BABAM2: variants seen among roughly 807,000 people sequenced by gnomAD.
The protein encoded by BABAM2 is BRISC and BRCA1 A complex member 2.
Under a neutral mutation model 54.7 loss-of-function variants are expected in BABAM2, and 31 were observed. That is an observed-to-expected ratio of 0.57 (90% CI 0.43 to 0.77). BABAM2 has a LOEUF of 0.77. BABAM2 is among the 30% of genes least tolerant of loss of function. The pLI is 0.00. For synonymous variants in BABAM2, 167 were observed against 162.9 expected, an observed-to-expected ratio of 1.03 and a Z score of -0.19; for missense variants, 364 against 455.8, an observed-to-expected ratio of 0.80 and a Z score of 1.83.
intron 4 of BABAM2, among the ~76,000 whole-genome samples, chr2:28,008,648 A>C (rs1417134802): frequency 1.3e-5 from 2 of 152,186 alleles, no homozygotes; most frequent in Non-Finnish European, 2.9e-5. Context: ...ATGATTTAAA[A>C]ATTAAACACA....
At chr2:28,253,658 G>T (rs966117727) in intron 10 of BABAM2, among the ~76,000 whole-genome samples, 1 of 152,136 alleles carries the variant, frequency 6.6e-6, no homozygotes, top group Non-Finnish European at 1.5e-5. Context: ...GTATCCCCAG[G>T]TATGTGTGAT....
At chr2:28,003,746 T>G (rs1372849948) in intron 4 of BABAM2, among the ~76,000 whole-genome samples, 1 of 152,170 alleles carries the variant, frequency 6.6e-6, no homozygotes, top group Non-Finnish European at 1.5e-5. Context: ...TATTTATTGA[T>G]AAAACTGATA....
intron 7 of BABAM2, among the ~76,000 whole-genome samples, chr2:28,225,921 C>T (rs964614490): frequency 2.0e-5 from 3 of 151,980 alleles, no homozygotes; most frequent in Non-Finnish European, 2.9e-5. Flanking sequence ...GGATACTTTT[C>T]GTACTTTCAG....
At chr2:28,077,102 C>T (rs1428335048) in intron 6 of BABAM2, among the ~76,000 whole-genome samples, 6 of 152,074 alleles carry the variant, frequency 3.9e-5, no homozygotes, top group African/African-American at 1.4e-4. Context: ...GAGACAAACA[C>T]TAAAATTACC....
At chr2:27,922,908 G>A (rs771773934) in intron 2 of BABAM2, among the ~76,000 whole-genome samples, 1 of 152,132 alleles carries the variant, frequency 6.6e-6, no homozygotes, top group African/African-American at 2.4e-5. Context: ...AGGACAAGTT[G>A]CCATTCTATA....
intron 5 of BABAM2, among the ~76,000 whole-genome samples, chr2:28,034,926 G>C (rs918194067): frequency 1.3e-5 from 2 of 152,064 alleles, no homozygotes; most frequent in African/African-American, 4.8e-5. Context: ...CGGGATTAAC[G>C]TTAATGGGAA....
intron 3 of BABAM2, among the ~76,000 whole-genome samples, chr2:27,938,821 T>A (rs1192600579): frequency 6.6e-6 from 1 of 152,214 alleles, no homozygotes; most frequent in Non-Finnish European, 1.5e-5. Context: ...CCTTCTCCTT[T>A]TTGTTTCCAA....
intron 4 of BABAM2, among the ~76,000 whole-genome samples, chr2:27,994,951 T>C (rs889058382): frequency 6.6e-6 from 1 of 152,166 alleles, no homozygotes; most frequent in Non-Finnish European, 1.5e-5. Context: ...AAATTTAATA[T>C]AGAGAATTAC....
intron 4 of BABAM2, among the ~76,000 whole-genome samples, chr2:27,994,801 T>A (rs1673024886): frequency 6.6e-6 from 1 of 152,218 alleles, no homozygotes; most frequent in African/African-American, 2.4e-5. Flanking sequence ...TATCCATTCC[T>A]GATGGCTGTG....
At chr2:28,260,090 G>A (rs886387563) in intron 10 of BABAM2, among the ~76,000 whole-genome samples, 3 of 151,134 alleles carry the variant, frequency 2.0e-5, no homozygotes, top group South Asian at 2.1e-4. Flanking sequence ...TAGTAGAGAC[G>A]GGGTTTCACC....
intron 7 of BABAM2, among the ~76,000 whole-genome samples, chr2:28,224,883 C>T (rs1680745013): frequency 1.3e-5 from 2 of 149,758 alleles, no homozygotes; most frequent in African/African-American, 5.0e-5. Context: ...AATCTGGGGC[C>T]CTGTTTCTCA....
At chr2:28,187,904 G>A (rs1676492833) in intron 7 of BABAM2, among the ~76,000 whole-genome samples, 1 of 152,062 alleles carries the variant, frequency 6.6e-6, no homozygotes, top group Non-Finnish European at 1.5e-5. Context: ...CTGACCTCAG[G>A]CGATCTGCCC....
intron 7 of BABAM2, among the ~76,000 whole-genome samples, chr2:28,228,048 A>G (rs745392102): frequency 2.0e-5 from 3 of 152,204 alleles, no homozygotes; most frequent in African/African-American, 4.8e-5. Context: ...TCTTCTCTCT[A>G]CAATGAGTAT....
At chr2:28,132,189 A>T (rs1276249412) in intron 7 of BABAM2, among the ~76,000 whole-genome samples, 16 of 143,234 alleles carry the variant, frequency 1.1e-4, no homozygotes, top group African/African-American at 3.2e-4. Context: ...CCCAGGCTGG[A>T]GTGCAGTGGC....
At chr2:27,903,243 C>T (rs1365719695) in intron 2 of BABAM2, among the ~76,000 whole-genome samples, 1 of 152,142 alleles carries the variant, frequency 6.6e-6, no homozygotes, top group Non-Finnish European at 1.5e-5. Flanking sequence ...GTGCCAGTTC[C>T]ATACTTTCTT....
At chr2:28,047,816 C>A (rs1677707171) in intron 6 of BABAM2, among the ~76,000 whole-genome samples, 1 of 152,018 alleles carries the variant, frequency 6.6e-6, no homozygotes, top group African/African-American at 2.4e-5. Flanking sequence ...ACAACAATGA[C>A]CAAAAAGGAG....
intron 4 of BABAM2, among the ~76,000 whole-genome samples, chr2:27,992,130 C>G (rs1672827084): frequency 6.6e-6 from 1 of 152,014 alleles, no homozygotes; most frequent in Non-Finnish European, 1.5e-5. Context: ...TTTTTGATGG[C>G]TGGTGATACT....
intron 10 of BABAM2, among the ~76,000 whole-genome samples, chr2:28,269,922 T>G (rs576043119): frequency 4.5e-4 from 69 of 152,300 alleles, no homozygotes; most frequent in Middle Eastern, 3.4e-3. Context: ...TTAGTAGTAC[T>G]TGGCCAACTA....
At chr2:28,022,677 C>T (rs1336385435) in intron 4 of BABAM2, among the ~76,000 whole-genome samples, 3 of 152,090 alleles carry the variant, frequency 2.0e-5, no homozygotes, top group Non-Finnish European at 4.4e-5. Context: ...AGATTTCTTC[C>T]TTCAAGCATT....
Sources: gnomAD v4.1 joint callset for allele counts (sites outside exome capture counted in the v4.1 genomes callset) on GRCh38, gnomAD v4.1.1 for gene constraint, MANE v1.5 for transcripts, NCBI Gene and HGNC (gene_info 2026-07-23, HGNC 2026-07-21) for gene names.